EYA1: variants seen among roughly 807,000 people sequenced by gnomAD.
EYA1 encodes EYA transcriptional coactivator and phosphatase 1.
Under a neutral mutation model 82.0 loss-of-function variants are expected in EYA1, and 16 were observed. The ratio of observed to expected loss-of-function variants is 0.20; its 90% confidence interval spans 0.13 to 0.30. EYA1 has a LOEUF of 0.30. EYA1 is among the 10% of genes least tolerant of loss of function. EYA1 has a pLI of 1.00. For synonymous variants in EYA1, 261 were observed against 264.4 expected (o/e 0.99, Z 0.12); for missense variants, 633 against 730.7 (o/e 0.87, Z 1.54).
At chr8:71,335,380 T>G (rs867678992) in intron 3 of EYA1, among the ~76,000 whole-genome samples, 1 of 152,190 alleles carries the variant, frequency 6.6e-6, no homozygotes, top group African/African-American at 2.4e-5. Context: ...ATTCTCCTAA[T>G]GCATAATGAG....
chr8:71,253,089 T>C (rs773990242), intron 11 of EYA1, among the ~76,000 whole-genome samples: 4 of 152,242 alleles, frequency 2.6e-5, no homozygotes, highest in Non-Finnish European at 5.9e-5. Context: ...AATGATCCAA[T>C]ACTTTAGCAT....
chr8:71,312,927 T>C lies in EYA1; in HGVS notation c.556+4625A>G, dbSNP rs1311360008. On this transcript the variant is annotated intron_variant, in intron 7 of 17. Coordinates refer to ENST00000340726, the MANE Select transcript of EYA1 (RefSeq NM_000503.6). ...TCACATTCCCATCTTCTTCCCTAAT[T>C]TTCTGAACTAAACAATTTGATGCTT... Among the ~76,000 whole-genome samples the C allele has an allele frequency of 2.0e-5, 3 of 152,186 alleles. No individual in the cohort carries two copies. In the East Asian group the frequency reaches 5.8e-4, roughly 29 times the overall value.
At chr8:71,547,176 CCAAAGGAAAGG>C (rs1815691822) in intron 1 of EYA1, among the ~76,000 whole-genome samples, 1 of 152,228 alleles carries the variant, frequency 6.6e-6, no homozygotes, top group African/African-American at 2.4e-5. Flanking sequence ...CCACTTTTGG[CCAAAGGAAAGG>C]CCTGGGCCAG....
intron 2 of EYA1, among the ~76,000 whole-genome samples, chr8:71,429,512 C>T (rs1416615805): frequency 6.6e-6 from 1 of 152,018 alleles, no homozygotes; most frequent in Non-Finnish European, 1.5e-5. Context: ...TATCTTGTGG[C>T]TGAAAAAGCA....
intron 9 of EYA1, among the ~76,000 whole-genome samples, chr8:71,280,622 A>G (rs1424480027): frequency 6.6e-6 from 1 of 152,230 alleles, no homozygotes; most frequent in Non-Finnish European, 1.5e-5. Flanking sequence ...TCACGCTTGA[A>G]TTCTCATGTG....
At chr8:71,532,507 T>C (rs1814372176) in intron 2 of EYA1, among the ~76,000 whole-genome samples, 1 of 152,254 alleles carries the variant, frequency 6.6e-6, no homozygotes, top group African/African-American at 2.4e-5. Context: ...GAAAGAATTG[T>C]TGTTTACAAA....
At chr8:71,354,275 T>C (rs536514297) in intron 3 of EYA1, among the ~76,000 whole-genome samples, 1 of 152,222 alleles carries the variant, frequency 6.6e-6, no homozygotes, top group South Asian at 2.1e-4. Flanking sequence ...TTTTAAAAAT[T>C]ATTTATATTT....
chr8:71,284,725 C>A (rs147524049), intron 9 of EYA1, among the ~76,000 whole-genome samples: 1 of 152,048 alleles, frequency 6.6e-6, no homozygotes, highest in Non-Finnish European at 1.5e-5. Context: ...ATAACTTAAC[C>A]GAATTCTGAT....
chr8:71,346,439 T>TATATATAG (rs1825729015), intron 3 of EYA1, among the ~76,000 whole-genome samples: 1 of 136,646 alleles, frequency 7.3e-6, no homozygotes, highest in Admixed American at 7.3e-5. Flanking sequence ...TGAATATATA[T>TATATATAG]ATATATATAT....
intron 10 of EYA1, 94 bp downstream of exon 10, chr8:71,271,664 C>A: frequency 7.2e-7 from 1 of 1,383,522 alleles, no homozygotes; most frequent in South Asian, 1.2e-5. Flanking sequence ...GCATCTGATA[C>A]CTTAACCACT....
At chr8:71,396,711 C>A (rs1211995188) in intron 2 of EYA1, among the ~76,000 whole-genome samples, 1 of 152,072 alleles carries the variant, frequency 6.6e-6, no homozygotes, top group Non-Finnish European at 1.5e-5. Context: ...TTACTTCCAA[C>A]TATGTGGTCA....
intron 11 of EYA1, among the ~76,000 whole-genome samples, chr8:71,262,446 T>C (rs779027351): frequency 1.2e-4 from 19 of 152,162 alleles, no homozygotes; most frequent in Non-Finnish European, 2.1e-4. Flanking sequence ...AAGCAATAAA[T>C]AATAGCTCTT....
In EYA1 at chr8:71,215,615, G is replaced by A. The variant is rs1226367549; in HGVS notation, c.1474C>T (p.Arg492Trp). ...CAAAGACCCCGCAGAGAGCCTCACC[G>A]GGAGTGAATGAGCGAGAGTGCTTTC... ...ALKALSLIHS[R>W]TNCVNILVTT... Residue 492 changes from arginine to tryptophan, a missense_variant and splice_region_variant, in exon 15 of 18, where the codon CGG becomes TGG. Coordinates refer to ENST00000340726, the MANE Select transcript of EYA1 (RefSeq NM_000503.6). 5 of 1,613,420 alleles carry A rather than the reference G, an allele frequency of 3.1e-6. No individual in the cohort carries two copies. In the South Asian group the frequency reaches 3.3e-5, roughly 11 times the overall value.
chr8:71,505,441 A>C (rs1178023725), intron 2 of EYA1, among the ~76,000 whole-genome samples: 2 of 152,172 alleles, frequency 1.3e-5, no homozygotes, highest in Admixed American at 1.3e-4. Context: ...CAACAAAAAC[A>C]CTTTTGTGAA....
At chr8:71,400,082 T>G (rs1209545874) in intron 2 of EYA1, among the ~76,000 whole-genome samples, 1 of 152,186 alleles carries the variant, frequency 6.6e-6, no homozygotes, top group Non-Finnish European at 1.5e-5. Context: ...CTGGGAGAAC[T>G]GGCTAGCCAC....
chr8:71,442,168 A>T (rs1284370858), intron 2 of EYA1, among the ~76,000 whole-genome samples: 2 of 152,224 alleles, frequency 1.3e-5, no homozygotes, highest in African/African-American at 4.8e-5. Context: ...ATAAACTAAT[A>T]GTTAATAGTT....
rs1386759291 is a variant in EYA1, at chr8:71,437,186, T to A, written c.34-80675A>T. Reference sequence around the variant, plus strand: ...GTATATTAAGCCACCAAATTTTTGATTTTTTGTCCATTAGTTTGAAGAAAA... The same window carrying A: ...GTATATTAAGCCACCAAATTTTTGAATTTTTGTCCATTAGTTTGAAGAAAA... On this transcript the variant is annotated intron_variant, in intron 2 of 18. Coordinates refer to the EYA1 transcript ENST00000643681. Among the ~76,000 whole-genome samples, 6 of 151,732 alleles carry A rather than the reference T, an allele frequency of 4.0e-5. No individual in the cohort carries two copies. In the East Asian group the frequency reaches 1.2e-3, roughly 29 times the overall value.
chr8:71,391,169 G>T (rs754245091), intron 2 of EYA1, among the ~76,000 whole-genome samples: 2 of 152,062 alleles, frequency 1.3e-5, no homozygotes, highest in Non-Finnish European at 2.9e-5. Flanking sequence ...TTTTCGTAGA[G>T]ACAGGGTTTT....
intron 3 of EYA1, among the ~76,000 whole-genome samples, chr8:71,353,511 C>CATGGGTA (rs1248366930): frequency 2.6e-5 from 4 of 152,054 alleles, no homozygotes; most frequent in African/African-American, 9.7e-5. Context: ...TTTGATAGTA[C>CATGGGTA]CCATTTTCAT....
Sources: gnomAD v4.1 joint callset for allele counts (sites outside exome capture counted in the v4.1 genomes callset) on GRCh38, gnomAD v4.1.1 for gene constraint, MANE v1.5 for transcripts, NCBI Gene and HGNC (gene_info 2026-07-23, HGNC 2026-07-21) for gene names.